Variants in AP3B1 observed in about 807,000 individuals in gnomAD.
AP3B1 encodes the protein adaptor related protein complex 3 subunit beta 1.
AP3B1 carries 61 observed loss-of-function variants against 132.5 expected under a neutral mutation model. That is an observed-to-expected ratio of 0.46 (90% CI 0.37 to 0.57). The LOEUF (loss-of-function observed/expected upper bound fraction) is 0.57, where lower values mean the gene tolerates loss of function less well. Among genes scored for constraint, AP3B1 ranks in the 20% least tolerant of loss-of-function variants. The pLI is 0.00. For missense variants in AP3B1, 1,120 were observed against 1,289.4 expected, an observed-to-expected ratio of 0.87 and a Z score of 2.01; for synonymous variants, 388 against 438.3, an observed-to-expected ratio of 0.89 and a Z score of 1.43.
chr5:78,042,475 A>G (rs904391736), intron 22 of AP3B1: 1 of 152,628 alleles, frequency 6.6e-6, no homozygotes, highest in Non-Finnish European at 1.5e-5. Context: ...GCTTCCAGCA[A>G]TCCTCCTGCC....
At chr5:78,043,209 C>G (rs1748173040) in intron 22 of AP3B1, 1 of 156,238 alleles carries the variant, frequency 6.4e-6, no homozygotes, top group African/African-American at 2.4e-5. Context: ...GATATGAGCT[C>G]ACTGCAACCT....
chr5:78,069,009 A>T (rs1204633786), intron 22 of AP3B1, among the ~76,000 whole-genome samples: 1 of 152,252 alleles, frequency 6.6e-6, no homozygotes, highest in Non-Finnish European at 1.5e-5. Flanking sequence ...CAAAAACCAC[A>T]GGATTATCTC....
Position 78,294,567 on chromosome 5 carries a change from T to C in AP3B1, c.13A>G (p.Ser5Gly). MSSN[S>G]FPYNEQSGGG... is the part of the protein sequence containing the mutation. ...CCGGACTGCTCATTGTAAGGAAAAC[T>C]ATTGCTGGACATTGCCGCGGTGCTG... Residue 5 changes from serine to glycine, a missense_variant, in exon 1 of 27, where the codon AGT becomes GGT. Ser to Gly is a moderately conservative substitution (Grantham distance 56). Transcript: ENST00000255194. 1 of 1,614,148 alleles carries C rather than the reference T, an allele frequency of 6.2e-7. No individual in the cohort carries two copies. Among genetic ancestry groups the C allele is most frequent in the Non-Finnish European group, 8.5e-7 (1 of 1,180,024 alleles).
intron 22 of AP3B1, among the ~76,000 whole-genome samples, chr5:78,060,743 T>C (rs866905927): frequency 2.0e-5 from 3 of 152,018 alleles, no homozygotes; most frequent in Admixed American, 6.6e-5. Flanking sequence ...ATTCCATCCA[T>C]GCTTATTAAC....
chr5:78,114,493 G>C (rs1313677341), intron 18 of AP3B1, among the ~76,000 whole-genome samples: 1 of 152,124 alleles, frequency 6.6e-6, no homozygotes, highest in African/African-American at 2.4e-5. Flanking sequence ...AGGTCAAAGA[G>C]ATGATCAAGT....
chr5:78,009,513 T>C (rs967693300), intron 26 of AP3B1, among the ~76,000 whole-genome samples: 2 of 151,982 alleles, frequency 1.3e-5, no homozygotes, highest in African/African-American at 4.8e-5. Flanking sequence ...TTGAATTAAA[T>C]AATAAGACTT....
chr5:78,251,053 A>G (rs1747611252), intron 2 of AP3B1, among the ~76,000 whole-genome samples: 1 of 152,212 alleles, frequency 6.6e-6, no homozygotes, highest in Non-Finnish European at 1.5e-5. Context: ...GAAAAGGGAG[A>G]AAATAAATAG....
chr5:78,180,086 C>T (rs1251048390), intron 8 of AP3B1, among the ~76,000 whole-genome samples: 1 of 152,106 alleles, frequency 6.6e-6, no homozygotes, highest in East Asian at 1.9e-4. Flanking sequence ...AGCTACCTAA[C>T]TAGCATCTGG....
At chr5:78,145,658 C>T (rs1393527306) in intron 14 of AP3B1, among the ~76,000 whole-genome samples, 1 of 152,182 alleles carries the variant, frequency 6.6e-6, no homozygotes, top group East Asian at 1.9e-4. Context: ...ATTATTCCTT[C>T]ATCCTCTGTT....
At chr5:78,029,043 T>C (rs1747459099) in intron 24 of AP3B1, among the ~76,000 whole-genome samples, 1 of 152,208 alleles carries the variant, frequency 6.6e-6, no homozygotes, top group African/African-American at 2.4e-5. Context: ...GAGTATTTTC[T>C]GTACACAGGA....
At chr5:78,129,363 C>T (rs1028252590) in intron 15 of AP3B1, 56 bp from the exon 16 acceptor site, 8 of 1,372,664 alleles carry the variant, frequency 5.8e-6, no homozygotes, top group Admixed American at 5.1e-5. Flanking sequence ...TTATCGATAA[C>T]TCTGGATAAA....
At chr5:78,226,002 G>T (rs1746385271) in intron 5 of AP3B1, among the ~76,000 whole-genome samples, 1 of 151,950 alleles carries the variant, frequency 6.6e-6, no homozygotes, top group Non-Finnish European at 1.5e-5. Flanking sequence ...AAACAAATAT[G>T]GAGAATTTCC....
At chr5:78,009,309 A>AAT (rs1458115446) in intron 26 of AP3B1, among the ~76,000 whole-genome samples, 52 of 151,784 alleles carry the variant, frequency 3.4e-4, no homozygotes, top group Admixed American at 2.6e-4. Flanking sequence ...AAAAAAAAAA[A>AAT]ATTAGCTGGG....
intron 12 of AP3B1, among the ~76,000 whole-genome samples, chr5:78,164,917 T>C (rs549670987): frequency 1.8e-4 from 27 of 152,264 alleles, no homozygotes; most frequent in Non-Finnish European, 3.4e-4. Context: ...GATTAGTGCA[T>C]AGTATGTGGT....
At chr5:78,087,124 AC>A (rs1285049794) in intron 22 of AP3B1, among the ~76,000 whole-genome samples, 2 of 152,284 alleles carry the variant, frequency 1.3e-5, no homozygotes, top group African/African-American at 4.8e-5. Context: ...ATTATATATT[AC>A]TTTTATTTTT....
intron 1 of AP3B1, among the ~76,000 whole-genome samples, chr5:78,280,561 A>G (rs940386097): frequency 1.3e-5 from 2 of 152,244 alleles, no homozygotes; most frequent in Admixed American, 6.5e-5. Flanking sequence ...AAGTTTGAGT[A>G]TTAGTATTAG....
chr5:78,291,979 G>A (rs958573587), intron 1 of AP3B1, among the ~76,000 whole-genome samples: 1 of 152,094 alleles, frequency 6.6e-6, no homozygotes, highest in Non-Finnish European at 1.5e-5. Context: ...ACATGAATAC[G>A]TATATGTGCC....
intron 16 of AP3B1, among the ~76,000 whole-genome samples, chr5:78,128,778 A>C (rs1752569469): frequency 6.6e-6 from 1 of 152,094 alleles, no homozygotes; most frequent in Non-Finnish European, 1.5e-5. Flanking sequence ...TTAATAACTC[A>C]CTATTAAAAG....
chr5:78,085,569 C>T (rs1377927683), intron 22 of AP3B1, among the ~76,000 whole-genome samples: 3 of 152,174 alleles, frequency 2.0e-5, no homozygotes, highest in Non-Finnish European at 4.4e-5. Flanking sequence ...TACGAGTAAG[C>T]ACTATTCTGA....
Sources: allele counts gnomAD v4.1 joint callset (sites outside exome capture counted in the v4.1 genomes callset), GRCh38; gene constraint gnomAD v4.1.1; transcripts MANE v1.5; gene names NCBI Gene and HGNC (gene_info 2026-07-23, HGNC 2026-07-21).